CORO2B: variants seen among roughly 807,000 people sequenced by gnomAD.
CORO2B encodes coronin-2B.
In CORO2B, 26 loss-of-function variants were observed where a neutral mutation model predicts 58.8. That is an observed-to-expected ratio of 0.44 (90% CI 0.32 to 0.61). The LOEUF (loss-of-function observed/expected upper bound fraction) is 0.61. CORO2B is among the 20% of genes least tolerant of loss of function. The pLI is 0.04. For missense variants in CORO2B, 460 were observed against 645.1 expected, an observed-to-expected ratio of 0.71 and a Z score of 3.11; for synonymous variants, 242 against 253.8, an observed-to-expected ratio of 0.95 and a Z score of 0.44.
At chr15:68,626,122 CA>C (rs1223329175) in intron 1 of CORO2B, among the ~76,000 whole-genome samples, 1 of 152,152 alleles carries the variant, frequency 6.6e-6, no homozygotes, top group Non-Finnish European at 1.5e-5. Context: ...CTTCAAAAGT[CA>C]AAAAGACTCA....
At chr15:68,675,896 C>T (rs906933338) in intron 2 of CORO2B, among the ~76,000 whole-genome samples, 16 of 152,106 alleles carry the variant, frequency 1.1e-4, no homozygotes, top group African/African-American at 3.4e-4. Flanking sequence ...TTCATGGGGC[C>T]TACACGCTAG....
At chr15:68,642,910 C>A (rs142838177) in intron 1 of CORO2B, among the ~76,000 whole-genome samples, 2 of 152,144 alleles carry the variant, frequency 1.3e-5, no homozygotes, top group African/African-American at 4.8e-5. Context: ...CCTCCTTTCT[C>A]GTCTGTGGAA....
intron 9 of CORO2B, 142 bp from the exon 10 acceptor site, chr15:68,719,002 C>A: frequency 1.2e-6 from 1 of 844,818 alleles, no homozygotes; most frequent in Non-Finnish European, 2.0e-6. Context: ...TCAGGTAGTT[C>A]CAGGAGGGAG....
intron 2 of CORO2B, among the ~76,000 whole-genome samples, chr15:68,690,571 T>C (rs1892332126): frequency 6.6e-6 from 1 of 151,976 alleles, no homozygotes; most frequent in Admixed American, 6.6e-5. Flanking sequence ...AAGATATAAA[T>C]ATTCAGGTTT....
At chr15:68,608,059 C>T (rs28447184) in intron 1 of CORO2B, among the ~76,000 whole-genome samples, 4,995 of 152,310 alleles carry the variant, frequency 0.033, 246 homozygotes, top group African/African-American at 0.11. Context: ...TTTGCAGAGG[C>T]GTATGTCCTT....
intron 1 of CORO2B, among the ~76,000 whole-genome samples, chr15:68,634,156 A>AG (rs1426827992): frequency 6.6e-6 from 1 of 152,234 alleles, no homozygotes; most frequent in Non-Finnish European, 1.5e-5. Flanking sequence ...GGTGAGGAGT[A>AG]GGACCTGCTG....
At chr15:68,520,632 G>A in the CORO2B span, among the ~76,000 whole-genome samples, 6 of 152,220 alleles carry the variant, frequency 3.9e-5, no homozygotes, top group East Asian at 7.7e-4. Context: ...CTCATCTTAG[G>A]TTGAACTATA....
chr15:68,693,467 T>G (rs943526028), intron 2 of CORO2B, among the ~76,000 whole-genome samples: 11 of 152,204 alleles, frequency 7.2e-5, no homozygotes, highest in African/African-American at 2.7e-4. Context: ...TCTGACCACC[T>G]ACCCACTGTT....
At chr15:68,594,700 T>C (rs867194655) in intron 1 of CORO2B, among the ~76,000 whole-genome samples, 1 of 152,164 alleles carries the variant, frequency 6.6e-6, no homozygotes, top group Non-Finnish European at 1.5e-5. Flanking sequence ...TGCGAGCCAA[T>C]GAGCAGAGGT....
chr15:68,533,505 A>G, the CORO2B span, among the ~76,000 whole-genome samples: 1 of 152,204 alleles, frequency 6.6e-6, no homozygotes, highest in Admixed American at 6.5e-5. Flanking sequence ...TAGACTCACC[A>G]ATGTTGTTGA....
intron 1 of CORO2B, among the ~76,000 whole-genome samples, chr15:68,636,399 G>A (rs917679770): frequency 2.0e-5 from 3 of 152,214 alleles, no homozygotes; most frequent in Non-Finnish European, 4.4e-5. Flanking sequence ...AATAGACCGT[G>A]TCTCTGGCTG....
At chr15:68,689,656 C>T (rs888648325) in intron 2 of CORO2B, among the ~76,000 whole-genome samples, 12 of 152,264 alleles carry the variant, frequency 7.9e-5, no homozygotes, top group African/African-American at 2.6e-4. Context: ...GTTTGGTCTC[C>T]GGTCACACCC....
the CORO2B span, among the ~76,000 whole-genome samples, chr15:68,523,771 A>C: frequency 1.3e-5 from 2 of 152,138 alleles, no homozygotes; most frequent in African/African-American, 4.8e-5. Context: ...TTTGTGGGTA[A>C]ACCCTACCAG....
intron 8 of CORO2B, among the ~76,000 whole-genome samples, chr15:68,717,335 T>C (rs1205307870): frequency 6.6e-6 from 1 of 151,358 alleles, no homozygotes; most frequent in Admixed American, 6.6e-5. Context: ...AAGATTTCTC[T>C]GGCTTCAGTA....
intron 1 of CORO2B, among the ~76,000 whole-genome samples, chr15:68,621,804 T>G (rs894027451): frequency 3.3e-5 from 5 of 150,648 alleles, no homozygotes; most frequent in Non-Finnish European, 5.9e-5. Context: ...TCTCCTAGGC[T>G]GGAGGACAGT....
At chr15:68,624,656 G>A (rs1367668406) in intron 1 of CORO2B, among the ~76,000 whole-genome samples, 5 of 151,334 alleles carry the variant, frequency 3.3e-5, no homozygotes, top group African/African-American at 1.2e-4. Context: ...TAGATCTGGG[G>A]TGGGGCTGGG....
chr15:68,641,465 T>G (rs1901224431), intron 1 of CORO2B: 8 of 906,270 alleles, frequency 8.8e-6, no homozygotes, highest in South Asian at 5.1e-5. Flanking sequence ...GGGCAGAGAG[T>G]GGGAGGAAGC....
chr15:68,585,318 CT>C (rs1296547159), intron 1 of CORO2B, among the ~76,000 whole-genome samples: 1 of 152,172 alleles, frequency 6.6e-6, no homozygotes, highest in Non-Finnish European at 1.5e-5. Context: ...GAGCCAGAAC[CT>C]TTTCAATCCG....
At chr15:68,561,968 G>T in the CORO2B span, among the ~76,000 whole-genome samples, 1 of 152,138 alleles carries the variant, frequency 6.6e-6, no homozygotes, top group Non-Finnish European at 1.5e-5. Flanking sequence ...GGGGAGGGCT[G>T]TAAGTGCCCT....
Sources: gnomAD v4.1 joint callset for allele counts (sites outside exome capture counted in the v4.1 genomes callset) on GRCh38, gnomAD v4.1.1 for gene constraint, MANE v1.5 for transcripts, NCBI Gene and HGNC (gene_info 2026-07-23, HGNC 2026-07-21) for gene names.